Variants in NCOA2 observed in about 807,000 individuals in gnomAD.
NCOA2 encodes the protein class E basic helix-loop-helix protein 75.
NCOA2 carries 21 observed loss-of-function variants against 145.1 expected under a neutral mutation model. The ratio of observed to expected loss-of-function variants is 0.14; its 90% CI spans 0.10 to 0.21. The LOEUF is 0.21. Among genes scored for constraint, NCOA2 ranks in the 10% least tolerant of loss-of-function variants. NCOA2 has a pLI of 1.00. For missense variants in NCOA2, 1,472 were observed against 1,837.6 expected, an observed-to-expected ratio of 0.80 and a Z score of 3.64; for synonymous variants, 619 against 637.5, an observed-to-expected ratio of 0.97 and a Z score of 0.44.
rs150577966 is a variant in NCOA2 at position 70,285,411 on chromosome 8, G to T, written c.-20+11333C>A. Among the ~76,000 whole-genome samples the T allele has an allele frequency of 7.9e-5, 12 of 152,260 alleles. No individual in the cohort carries two copies. In the Middle Eastern group the frequency reaches 0.014, roughly 173 times the overall value. ...GTCATTTTCCTACCTTTTGGCACTT[G>T]AGTCCCATTAATCAAGATTCCCCTT... On this transcript the variant is annotated intron_variant, in intron 2 of 22. Coordinates refer to ENST00000452400, the MANE Select transcript of NCOA2 (RefSeq NM_006540.4).
chr8:70,366,031 G>A (rs1023946685), intron 1 of NCOA2, among the ~76,000 whole-genome samples: 3 of 152,150 alleles, frequency 2.0e-5, no homozygotes, highest in African/African-American at 7.2e-5. Context: ...ATGCAACTCA[G>A]GGAAAAGAGC....
At chr8:70,204,428 T>C (rs1409497870) in intron 4 of NCOA2, among the ~76,000 whole-genome samples, 2 of 152,230 alleles carry the variant, frequency 1.3e-5, no homozygotes, top group Middle Eastern at 3.2e-3. Flanking sequence ...CACCACCACT[T>C]GTTTTATAAA....
At chr8:70,366,719 T>C (rs1033121608) in intron 1 of NCOA2, among the ~76,000 whole-genome samples, 1 of 147,052 alleles carries the variant, frequency 6.8e-6, no homozygotes, top group Non-Finnish European at 1.5e-5. Context: ...AACCATTGTA[T>C]AAAATTAAGC....
At chr8:70,251,318 G>T (rs1385630815) in intron 2 of NCOA2, among the ~76,000 whole-genome samples, 1 of 152,168 alleles carries the variant, frequency 6.6e-6, no homozygotes. Flanking sequence ...CACAAAAGAG[G>T]GCTGAGGAGA....
intron 1 of NCOA2, among the ~76,000 whole-genome samples, chr8:70,374,582 C>T (rs1288028487): frequency 6.6e-6 from 1 of 151,930 alleles, no homozygotes; most frequent in Non-Finnish European, 1.5e-5. Context: ...GCAGGAGGAT[C>T]ACTTGAGCCC....
chr8:70,168,939 T>C (rs547004351), intron 6 of NCOA2, among the ~76,000 whole-genome samples: 1 of 152,332 alleles, frequency 6.6e-6, no homozygotes, highest in East Asian at 1.9e-4. Flanking sequence ...TGTATCACTG[T>C]TATAGTCACT....
At chr8:70,121,100 C>T (rs925855659) in intron 22 of NCOA2, among the ~76,000 whole-genome samples, 5 of 152,168 alleles carry the variant, frequency 3.3e-5, no homozygotes, top group African/African-American at 1.2e-4. Context: ...GTTCTTAATT[C>T]ATATGGTACC....
intron 1 of NCOA2, among the ~76,000 whole-genome samples, chr8:70,300,377 CTG>C (rs1302119666): frequency 6.6e-6 from 1 of 152,116 alleles, no homozygotes; most frequent in Admixed American, 6.6e-5. Context: ...ACAAATGCAC[CTG>C]TGTGTCCTTG....
intron 13 of NCOA2, among the ~76,000 whole-genome samples, chr8:70,141,888 A>G (rs2131839372): frequency 6.6e-6 from 1 of 152,320 alleles, no homozygotes; most frequent in Non-Finnish European, 1.5e-5. Flanking sequence ...TTCAAAACTG[A>G]CCAAGAGTAG....
At chr8:70,277,878 T>C (rs1252466135) in intron 2 of NCOA2, among the ~76,000 whole-genome samples, 1 of 151,882 alleles carries the variant, frequency 6.6e-6, no homozygotes, top group Non-Finnish European at 1.5e-5. Context: ...TACTCCCATA[T>C]TCATATCTTT....
Position 70,112,973 on chromosome 8 carries a change from C to G in NCOA2, c.*659G>C, listed in dbSNP as rs1408308345. 1 of 199,206 alleles carries G rather than the reference C, an allele frequency of 5.0e-6. No individual in the cohort carries two copies. The highest frequency in any genetic ancestry group is 1.0e-5 in the Non-Finnish European group (1 of 96,412). The allele number at this position is 199,206 out of a possible 1,614,324, so 12.3% of individuals were successfully genotyped here. A position where few individuals can be genotyped will look rare whatever the true frequency, so the allele number is the denominator to read the frequency against. ...TTTGCTAATGTTAACAGCCCTCTCA[C>G]AGGCTCCTTTTCATCTGTTCAGTAA... is the stretch of plus-strand genomic sequence containing the variant. On this transcript the variant is annotated 3_prime_UTR_variant, in exon 23 of 23. Coordinates refer to ENST00000452400, the MANE Select transcript of NCOA2 (RefSeq NM_006540.4).
intron 1 of NCOA2, among the ~76,000 whole-genome samples, chr8:70,380,121 G>C (rs374000849): frequency 6.6e-6 from 1 of 152,084 alleles, no homozygotes; most frequent in African/African-American, 2.4e-5. Flanking sequence ...AATGTAAAAG[G>C]AAAGAAAGAA....
chr8:70,192,516 GC>G (rs1816801445), intron 4 of NCOA2, among the ~76,000 whole-genome samples: 1 of 152,316 alleles, frequency 6.6e-6, no homozygotes, highest in Admixed American at 6.5e-5. Context: ...CCACGGGCCT[GC>G]CCCTCTGCTC....
intron 22 of NCOA2, among the ~76,000 whole-genome samples, chr8:70,116,354 G>A (rs769704704): frequency 9.9e-5 from 15 of 152,064 alleles, no homozygotes; most frequent in Non-Finnish European, 1.6e-4. Context: ...GAGTTTGAGA[G>A]CAGCCTGGCC....
intron 1 of NCOA2, among the ~76,000 whole-genome samples, chr8:70,319,499 A>G (rs1231229307): frequency 6.6e-6 from 1 of 151,890 alleles, no homozygotes; most frequent in Non-Finnish European, 1.5e-5. Context: ...CCGTGATGAC[A>G]CCACTGCACA....
intron 4 of NCOA2, among the ~76,000 whole-genome samples, chr8:70,182,653 C>A (rs1284354891): frequency 6.6e-6 from 1 of 152,138 alleles, no homozygotes; most frequent in East Asian, 1.9e-4. Context: ...TATGTAATAG[C>A]CCACTTCATA....
At chr8:70,268,540 A>G (rs115589334) in intron 2 of NCOA2, among the ~76,000 whole-genome samples, 1,743 of 152,272 alleles carry the variant, frequency 0.011, 42 homozygotes, top group African/African-American at 0.04. Context: ...TTTCTATACC[A>G]TAACATAAAA....
intron 2 of NCOA2, among the ~76,000 whole-genome samples, chr8:70,275,673 C>T (rs374170921): frequency 3.9e-5 from 6 of 152,194 alleles, no homozygotes; most frequent in African/African-American, 1.4e-4. Flanking sequence ...TTAGCAAGGG[C>T]TTTCACAAAG....
chr8:70,115,299 G>A (rs530635903), intron 22 of NCOA2, among the ~76,000 whole-genome samples: 8 of 152,228 alleles, frequency 5.3e-5, no homozygotes, highest in East Asian at 1.9e-4. Flanking sequence ...TACCTATTGC[G>A]TTTCTGAGGC....
Sources: gnomAD v4.1 joint callset for allele counts (sites outside exome capture counted in the v4.1 genomes callset) on GRCh38, gnomAD v4.1.1 for gene constraint, MANE v1.5 for transcripts, NCBI Gene and HGNC (gene_info 2026-07-23, HGNC 2026-07-21) for gene names.